The following GLRA2 variants were observed in gnomAD, a reference collection of about 807,000 sequenced individuals.
GLRA2 encodes glycine receptor alpha 2.
A neutral mutation model predicts 31.6 loss-of-function variants in GLRA2; 11 were observed. The ratio of observed to expected loss-of-function variants is 0.35; its 90% CI spans 0.22 to 0.58. The LOEUF (loss-of-function observed/expected upper bound fraction) is 0.58. Ranked by LOEUF, GLRA2 falls within the 20% of genes least tolerant of loss-of-function variation. The pLI, the probability that GLRA2 is intolerant of heterozygous loss-of-function variation, is 0.84. For missense variants in GLRA2, 212 were observed against 351.8 expected (o/e 0.60, Z 3.18); for synonymous variants, 132 against 134.0 (o/e 0.99, Z 0.10).
chrX:14,637,109 A>G (rs2090718345), intron 7 of GLRA2, among the ~76,000 whole-genome samples: 2 of 112,387 alleles, frequency 1.8e-5, no homozygotes, highest in African/African-American at 6.5e-5. Context: ...TTTTGACCCA[A>G]TTCCACATTC....
At chrX:14,703,109 A>G (rs1383914971) in intron 8 of GLRA2, among the ~76,000 whole-genome samples, 1 of 111,865 alleles carries the variant, frequency 8.9e-6, no homozygotes, top group Non-Finnish European at 1.9e-5. Context: ...ATGGCTAAAA[A>G]TCTGCTTGTT....
chrX:14,580,525 C>A (rs184976123), intron 3 of GLRA2, among the ~76,000 whole-genome samples: 2 of 112,162 alleles, frequency 1.8e-5, no homozygotes, highest in East Asian at 5.6e-4. Flanking sequence ...CTAAGTCTCC[C>A]ACAGTGTTCT....
At chrX:14,449,178 A>T in the GLRA2 span, among the ~76,000 whole-genome samples, 1 of 111,899 alleles carries the variant, frequency 8.9e-6, no homozygotes, top group Non-Finnish European at 1.9e-5. Context: ...CTGAAAGTTG[A>T]TAGAGAGGAG....
chrX:14,554,102 G>A lies in GLRA2; in HGVS notation c.203-20231G>A, dbSNP rs546972994. Among the ~76,000 whole-genome samples the A allele has an allele frequency of 1.2e-4, 13 of 112,008 alleles. No individual in the cohort carries two copies. The South Asian group carries it at 4.5e-3, about 39-fold the overall frequency. On this transcript the variant is annotated intron_variant, in intron 2 of 8. Transcript: ENST00000218075. ...TGCATAGTGTAGCATGAGATAAAACGTGGAAGTGCTATGCTACGTAAGTGC... is the reference window on the plus strand; with the variant it reads ...TGCATAGTGTAGCATGAGATAAAACATGGAAGTGCTATGCTACGTAAGTGC...
chrX:14,726,541 G>T (rs746339934), intron 8 of GLRA2, among the ~76,000 whole-genome samples: 1 of 112,413 alleles, frequency 8.9e-6, no homozygotes, highest in African/African-American at 3.2e-5. Flanking sequence ...AGTGTTGAAT[G>T]AATGAGGAAA....
chrX:14,566,728 C>A (rs2089812361), intron 2 of GLRA2, among the ~76,000 whole-genome samples: 1 of 111,470 alleles, frequency 9.0e-6, no homozygotes, highest in Non-Finnish European at 1.9e-5. Flanking sequence ...TTTAAAGAGA[C>A]CATTCAGACA....
At position 14,561,850 on chromosome X, in the gene GLRA2, A is replaced by G. The variant is rs145247220; in HGVS notation, c.203-12483A>G. Among the ~76,000 whole-genome samples, 908 of 112,158 alleles carry G rather than the reference A, an allele frequency of 8.1e-3. 17 individuals carry two copies. Among genetic ancestry groups the G allele is most frequent in the African/African-American group, 0.028 (869 of 30,916 alleles). On this transcript the variant is annotated intron_variant, in intron 2 of 8. Transcript: ENST00000218075. Reference sequence around the variant, plus strand: ...CCTTGGCAGGAGCACAGAGTTTTATAATAGCCCTTTGATTGCCTTTAGTCC... The same window carrying G: ...CCTTGGCAGGAGCACAGAGTTTTATGATAGCCCTTTGATTGCCTTTAGTCC...
intron 7 of GLRA2, among the ~76,000 whole-genome samples, chrX:14,634,892 C>A (rs2090692370): frequency 8.9e-6 from 1 of 112,245 alleles, no homozygotes; most frequent in South Asian, 3.7e-4. Flanking sequence ...TGAAATACAA[C>A]TTCTAAGTTG....
intron 7 of GLRA2, among the ~76,000 whole-genome samples, chrX:14,615,473 T>C (rs184448410): frequency 1.4e-3 from 156 of 111,288 alleles, no homozygotes; most frequent in African/African-American, 4.9e-3. Context: ...CAATGTAGGA[T>C]AAAAAGATAT....
At chrX:14,485,651 T>G in the GLRA2 span, among the ~76,000 whole-genome samples, 4 of 111,365 alleles carry the variant, frequency 3.6e-5, no homozygotes, top group African/African-American at 1.3e-4. Flanking sequence ...ATGATCAATT[T>G]TATCTTTATA....
intron 8 of GLRA2, among the ~76,000 whole-genome samples, chrX:14,712,570 C>A (rs1601877734): frequency 9.3e-6 from 1 of 108,077 alleles, no homozygotes; most frequent in East Asian, 2.9e-4. Flanking sequence ...TCTGGAGTAA[C>A]TGTACACCTG....
At chrX:14,607,759 A>G (rs964416164) in intron 6 of GLRA2, among the ~76,000 whole-genome samples, 4 of 111,179 alleles carry the variant, frequency 3.6e-5, no homozygotes, top group African/African-American at 1.3e-4. Context: ...CTGGATAGCA[A>G]TAGAAGTTTG....
intron 7 of GLRA2, among the ~76,000 whole-genome samples, chrX:14,618,309 A>G (rs1446103561): frequency 9.0e-6 from 1 of 111,628 alleles, no homozygotes; most frequent in Non-Finnish European, 1.9e-5. Flanking sequence ...CTCACTAACA[A>G]TTGGGCAAGT....
At chrX:14,461,900 G>C in the GLRA2 span, among the ~76,000 whole-genome samples, 1 of 112,036 alleles carries the variant, frequency 8.9e-6, no homozygotes, top group African/African-American at 3.2e-5. Flanking sequence ...TATGATGATA[G>C]CTGGTTATTT....
At chrX:14,592,711 A>C (rs773386416) in intron 4 of GLRA2, among the ~76,000 whole-genome samples, 1 of 111,898 alleles carries the variant, frequency 8.9e-6, no homozygotes, top group East Asian at 2.8e-4. Context: ...CACAATGACA[A>C]ATACTCAGTA....
At chrX:14,575,560 C>G (rs1449317012) in intron 3 of GLRA2, among the ~76,000 whole-genome samples, 1 of 110,300 alleles carries the variant, frequency 9.1e-6, no homozygotes, top group Non-Finnish European at 1.9e-5. Context: ...CTCCTGGGCT[C>G]AAACGATATT....
intron 2 of GLRA2, among the ~76,000 whole-genome samples, chrX:14,570,450 G>A (rs1173493518): frequency 9.0e-6 from 1 of 111,598 alleles, no homozygotes; most frequent in Non-Finnish European, 1.9e-5. Context: ...TAGAAACAAA[G>A]TACAAGTGAT....
chrX:14,617,447 C>T (rs1019733987), intron 7 of GLRA2, among the ~76,000 whole-genome samples: 1 of 111,870 alleles, frequency 8.9e-6, no homozygotes, highest in African/African-American at 3.3e-5. Flanking sequence ...ATTTCCCTCC[C>T]TGTGTCTACA....
intron 3 of GLRA2, among the ~76,000 whole-genome samples, chrX:14,580,658 T>G (rs1480362213): frequency 8.9e-6 from 1 of 112,258 alleles, no homozygotes; most frequent in Non-Finnish European, 1.9e-5. Flanking sequence ...TTTGTCAACA[T>G]GAAAGATCTT....
Sources: gnomAD v4.1 joint callset for allele counts (sites outside exome capture counted in the v4.1 genomes callset) on GRCh38, gnomAD v4.1.1 for gene constraint, MANE v1.5 for transcripts, NCBI Gene and HGNC (gene_info 2026-07-23, HGNC 2026-07-21) for gene names.